Variants in DMD observed in about 807,000 individuals in gnomAD.
DMD encodes the protein mutant dystrophin.
In DMD, 63 loss-of-function variants were observed where a neutral mutation model predicts 330.1. The ratio of observed to expected loss-of-function variants is 0.19; its 90% confidence interval spans 0.16 to 0.24. The LOEUF (loss-of-function observed/expected upper bound fraction) is 0.24. DMD is among the 10% of genes least tolerant of loss of function. DMD has a pLI of 1.00. For missense variants in DMD, 3,344 were observed against 2,684.1 expected (o/e 1.25, Z -5.43); for synonymous variants, 1,223 against 959.8 (o/e 1.27, Z -5.07).
intron 17 of DMD, among the ~76,000 whole-genome samples, chrX:32,530,978 A>C (rs936022046): frequency 1.8e-5 from 2 of 111,866 alleles, no homozygotes; most frequent in Admixed American, 9.5e-5. Context: ...CTATGTCCTT[A>C]TGATAAATAA....
chrX:31,689,221 C>T (rs2082927823), intron 52 of DMD, among the ~76,000 whole-genome samples: 1 of 112,118 alleles, frequency 8.9e-6, no homozygotes, highest in Non-Finnish European at 1.9e-5. Context: ...TAGAAAACCC[C>T]ATCGTCTCAG....
At chrX:32,231,238 G>A (rs2097168188) in intron 43 of DMD, among the ~76,000 whole-genome samples, 1 of 112,515 alleles carries the variant, frequency 8.9e-6, no homozygotes, top group South Asian at 3.6e-4. Flanking sequence ...AAAATGAGAT[G>A]AAAAAGCCAT....
chrX:31,582,946 G>A (rs746718043), intron 55 of DMD, among the ~76,000 whole-genome samples: 27 of 112,310 alleles, frequency 2.4e-4, no homozygotes, highest in Non-Finnish European at 5.1e-4. Flanking sequence ...AAATAATTGG[G>A]TAGATGGTGG....
intron 47 of DMD, among the ~76,000 whole-genome samples, chrX:31,891,643 TTA>T (rs1454653189): frequency 1.8e-5 from 2 of 112,238 alleles, no homozygotes; most frequent in Non-Finnish European, 3.8e-5. Flanking sequence ...GCCCATTCGT[TTA>T]TGTGTAGTTA....
intron 47 of DMD, among the ~76,000 whole-genome samples, chrX:31,891,850 G>A (rs1227689202): frequency 8.9e-6 from 1 of 111,922 alleles, no homozygotes; most frequent in Non-Finnish European, 1.9e-5. Flanking sequence ...TTTCAGAGCC[G>A]CTTTAACGGG....
intron 61 of DMD, among the ~76,000 whole-genome samples, chrX:31,341,716 A>G (rs937895459): frequency 2.6e-4 from 29 of 111,353 alleles, no homozygotes; most frequent in African/African-American, 7.9e-4. Flanking sequence ...TCCCAGTATT[A>G]TAACTATCTT....
chrX:32,117,966 A>G (rs1429608198), intron 44 of DMD, among the ~76,000 whole-genome samples: 2 of 110,945 alleles, frequency 1.8e-5, no homozygotes, highest in East Asian at 2.8e-4. Flanking sequence ...CTATAAAGGC[A>G]TTGTGTTTTC....
Position 32,501,905 on chromosome X carries a change from T to A in DMD, c.2293-63A>T, listed in dbSNP as rs1019077305. On this transcript the variant is annotated intron_variant, in intron 18 of 78. Coordinates refer to ENST00000357033, the MANE Select transcript of DMD (RefSeq NM_004006.3). ...GGACTGTGAATCTACACAATAATTA[T>A]AACTTCTACTTGCCCTTTCAAGCCT... 1.6e-5 allele frequency: 14 copies of A among 849,816 alleles called. No homozygotes were observed. In the African/African-American group the frequency reaches 2.8e-4, roughly 17 times the overall value. The allele number at this position is 849,816 out of a possible 1,213,427, so 70.0% of individuals were successfully genotyped here.
At chrX:32,038,085 G>T (rs1337154585) in intron 44 of DMD, among the ~76,000 whole-genome samples, 1 of 111,609 alleles carries the variant, frequency 9.0e-6, no homozygotes, top group East Asian at 2.8e-4. Context: ...ATGTGCCAAG[G>T]TCTGGCCTTA....
chrX:32,422,839 T>C lies in DMD; in HGVS notation c.4072-10926A>G, dbSNP rs185331925. Among the ~76,000 whole-genome samples the C allele has an allele frequency of 1.3e-4, 15 of 111,356 alleles. No individual in the cohort carries two copies. In the East Asian group the frequency reaches 3.6e-3, roughly 27 times the overall value. On this transcript the variant is annotated intron_variant, in intron 29 of 78. Transcript: ENST00000357033. ...GAATATTAAATAACAGATTTGATTA[T>C]TCAATCTCAAGAATCTATGAAGTAG...
rs184733680 is a variant in DMD at position 32,643,565 on chromosome X, A to G, written c.1331+567T>C. On this transcript the variant is annotated intron_variant, in intron 11 of 78. Transcript: ENST00000357033. ...GATGAGATCTGCTTGTTACCTTTAT[A>G]AGAAATATGTCATTTTTCAGAAATG... Among the ~76,000 whole-genome samples, 567 of 111,492 alleles carry G rather than the reference A, an allele frequency of 5.1e-3. 2 individuals are homozygous for G. Among genetic ancestry groups the G allele is most frequent in the Admixed American group, 0.012 (126 of 10,471 alleles).
intron 43 of DMD, among the ~76,000 whole-genome samples, chrX:32,262,377 G>A (rs2097326841): frequency 9.0e-6 from 1 of 111,286 alleles, no homozygotes; most frequent in Non-Finnish European, 1.9e-5. Flanking sequence ...AGTGATTACC[G>A]AAAACAGACT....
chrX:31,356,887 C>T (rs756794916), intron 60 of DMD, among the ~76,000 whole-genome samples: 8 of 103,847 alleles, frequency 7.7e-5, no homozygotes, highest in African/African-American at 2.8e-4. Context: ...AAAATTGTGA[C>T]AGGAAGAGAA....
At chrX:33,133,285 A>T (rs1437834475) in intron 1 of DMD, among the ~76,000 whole-genome samples, 1 of 111,725 alleles carries the variant, frequency 9.0e-6, no homozygotes, top group Non-Finnish European at 1.9e-5. Flanking sequence ...CTTCGAATGT[A>T]CAGATTTAAA....
chrX:32,650,069 A>G lies in DMD; in HGVS notation c.961-4917T>C, dbSNP rs193133723. Among the ~76,000 whole-genome samples the G allele has an allele frequency of 1.3e-4, 15 of 111,290 alleles. No individual in the cohort carries two copies. In the East Asian group the frequency reaches 3.7e-3, roughly 27 times the overall value. On this transcript the variant is annotated intron_variant, in intron 9 of 78. Coordinates refer to ENST00000357033, the MANE Select transcript of DMD (RefSeq NM_004006.3). ...TGTTTCTGGAAGCATGATTTGGGCA[A>G]TTCAAACTGAGATAAGTAATCAAGT...
intron 50 of DMD, among the ~76,000 whole-genome samples, chrX:31,782,509 A>G (rs1266116371): frequency 3.6e-5 from 4 of 110,476 alleles, no homozygotes; most frequent in Non-Finnish European, 7.6e-5. Context: ...CCAGCTGACC[A>G]CGAGTGCATG....
intron 51 of DMD, among the ~76,000 whole-genome samples, chrX:31,748,276 C>T (rs1380908619): frequency 8.9e-6 from 1 of 111,921 alleles, no homozygotes; most frequent in Non-Finnish European, 1.9e-5. Flanking sequence ...TGCTAATACA[C>T]ACAAGTAATA....
At chrX:31,974,842 C>G (rs1009675829) in intron 44 of DMD, among the ~76,000 whole-genome samples, 9 of 110,100 alleles carry the variant, frequency 8.2e-5, no homozygotes, top group African/African-American at 3.0e-4. Flanking sequence ...GGACATTTAC[C>G]TAATATCAAA....
chrX:32,570,496 G>A (rs1357438123), intron 15 of DMD, among the ~76,000 whole-genome samples: 2 of 111,952 alleles, frequency 1.8e-5, no homozygotes, highest in Non-Finnish European at 3.8e-5. Flanking sequence ...CCTGAGGCTA[G>A]CCAAGATTTC....
Sources: gnomAD v4.1 joint callset for allele counts (sites outside exome capture counted in the v4.1 genomes callset) on GRCh38, gnomAD v4.1.1 for gene constraint, MANE v1.5 for transcripts, NCBI Gene and HGNC (gene_info 2026-07-23, HGNC 2026-07-21) for gene names.